RPTOR: variants seen among roughly 807,000 people sequenced by gnomAD.
The protein encoded by RPTOR is regulatory-associated protein of mTOR.
A neutral mutation model predicts 169.9 loss-of-function variants in RPTOR; 21 were observed. The observed-to-expected ratio is 0.12, with a 90% CI of 0.09 to 0.18. The LOEUF (loss-of-function observed/expected upper bound fraction) is 0.18, where lower values mean the gene tolerates loss of function less well. Among genes scored for constraint, RPTOR ranks in the 10% least tolerant of loss-of-function variants. RPTOR has a pLI of 1.00. For missense variants in RPTOR, 1,133 were observed against 1,855.9 expected (o/e 0.61, Z 7.16); for synonymous variants, 732 against 753.2 (o/e 0.97, Z 0.46).
intron 1 of RPTOR, among the ~76,000 whole-genome samples, chr17:80,550,333 C>T (rs936090609): frequency 6.6e-6 from 1 of 152,184 alleles, no homozygotes; most frequent in Non-Finnish European, 1.5e-5. Flanking sequence ...TGTGTCTCCA[C>T]GAAACTCGGA....
chr17:80,949,606 CG>C, intron 28 of RPTOR, 59 bp downstream of exon 28: 1 of 1,432,012 alleles, frequency 7.0e-7, no homozygotes, highest in Non-Finnish European at 9.8e-7. Flanking sequence ...CGGACGCACT[CG>C]GAATTCCAAG....
intron 1 of RPTOR, among the ~76,000 whole-genome samples, chr17:80,546,153 C>T (rs142475082): frequency 2.1e-4 from 32 of 152,328 alleles, no homozygotes; most frequent in African/African-American, 7.5e-4. Context: ...TTTATACCCA[C>T]ATGATTAGTC....
intron 3 of RPTOR, among the ~76,000 whole-genome samples, chr17:80,664,334 A>G (rs972438053): frequency 2.0e-5 from 3 of 152,174 alleles, no homozygotes; most frequent in East Asian, 1.9e-4. Flanking sequence ...AACAGAAGCA[A>G]TCCTGAGAAA....
chr17:80,861,037 G>A lies in RPTOR; in HGVS notation c.1509+3137G>A, dbSNP rs1021051226. ...AGAGAACGCTCCATAATGGTGACCT[G>A]AATACCATATATTTCAGCAAAATAT... On this transcript the variant is annotated intron_variant, in intron 13 of 33. Coordinates refer to ENST00000306801, the MANE Select transcript of RPTOR (RefSeq NM_020761.3). The surrounding 1 kb of genome is among the most constrained non-coding windows in gnomAD (Gnocchi z 4.5). Among the ~76,000 whole-genome samples the A allele has an allele frequency of 6.9e-6, 1 of 144,534 alleles. No homozygotes were observed. The highest frequency in any genetic ancestry group is 2.4e-5 in the African/African-American group (1 of 40,928). The allele number at this position is 144,534 out of a possible 152,430, so 94.8% of individuals were successfully genotyped here.
chr17:80,742,871 C>T (rs1050030352), intron 5 of RPTOR, among the ~76,000 whole-genome samples: 1 of 152,036 alleles, frequency 6.6e-6, no homozygotes, highest in Admixed American at 6.5e-5. Flanking sequence ...CACACAGAAA[C>T]ATGGACATAT....
chr17:80,583,195 T>TTTTTTTTTTTTG (rs2065031351), intron 1 of RPTOR, among the ~76,000 whole-genome samples: 2 of 135,780 alleles, frequency 1.5e-5, no homozygotes, highest in African/African-American at 2.7e-5. Context: ...TTTTTTTTTT[T>TTTTTTTTTTTTG]TTTTTTTTTT....
chr17:80,731,245 T>C (rs992212168), intron 5 of RPTOR, among the ~76,000 whole-genome samples: 3 of 152,148 alleles, frequency 2.0e-5, no homozygotes, highest in Admixed American at 2.0e-4. Context: ...CAAACATTAA[T>C]TGATAACATT....
At chr17:80,593,519 C>G (rs2065122716) in intron 1 of RPTOR, 1 of 154,706 alleles carries the variant, frequency 6.5e-6, no homozygotes, top group South Asian at 2.0e-4. Context: ...ATCCAACAAA[C>G]CGCTTGTGGA....
chr17:80,898,496 G>T (rs2068433636), intron 20 of RPTOR, among the ~76,000 whole-genome samples: 1 of 151,756 alleles, frequency 6.6e-6, no homozygotes, highest in Admixed American at 6.6e-5. Flanking sequence ...ACTTTATTTT[G>T]TTTCCTTTCT....
intron 21 of RPTOR, among the ~76,000 whole-genome samples, chr17:80,919,145 G>A (rs149856037): frequency 4.1e-4 from 62 of 152,322 alleles, no homozygotes; most frequent in African/African-American, 1.4e-3. Flanking sequence ...CTTGTTAAGA[G>A]TCACCACGTT....
intron 28 of RPTOR, among the ~76,000 whole-genome samples, chr17:80,952,426 GCT>G (rs1316429074): frequency 6.6e-6 from 1 of 152,186 alleles, no homozygotes; most frequent in Non-Finnish European, 1.5e-5. Flanking sequence ...GAACTGAGGA[GCT>G]CAGGCCCTCC....
chr17:80,625,676 C>G lies in RPTOR; in HGVS notation c.163-15C>G. The G allele has an allele frequency of 6.5e-7, 1 of 1,536,966 alleles. No homozygotes were observed. The highest frequency in any genetic ancestry group is 9.0e-7 in the Non-Finnish European group (1 of 1,110,628). On this transcript the variant is annotated splice_polypyrimidine_tract_variant and intron_variant, in intron 1 of 33. Coordinates refer to ENST00000306801, the MANE Select transcript of RPTOR (RefSeq NM_020761.3). ...TATTGAAATATTTATTTATTTTTTT[C>G]TGTTGTGTTTTCAGATGAAGACAGT...
intron 4 of RPTOR, among the ~76,000 whole-genome samples, chr17:80,728,660 T>C (rs991545809): frequency 6.6e-6 from 1 of 152,230 alleles, no homozygotes; most frequent in African/African-American, 2.4e-5. Context: ...GTAATTACCA[T>C]AGATTTATAG....
chr17:80,713,785 G>A (rs1411845250), intron 4 of RPTOR, among the ~76,000 whole-genome samples: 3 of 152,086 alleles, frequency 2.0e-5, no homozygotes, highest in Non-Finnish European at 4.4e-5. Flanking sequence ...GTGTGCGTGC[G>A]CTTAATATCA....
chr17:80,831,819 A>ATGTATCCCTGTGTGTCACTG (rs1567936914), intron 9 of RPTOR, among the ~76,000 whole-genome samples: 41 of 62,990 alleles, frequency 6.5e-4, no homozygotes, highest in African/African-American at 1.4e-3. Context: ...GTGTGTCACC[A>ATGTATCCCTGTGTGTCACTG]TGTATCCCTG....
intron 4 of RPTOR, among the ~76,000 whole-genome samples, chr17:80,725,979 G>A (rs2066329505): frequency 6.6e-6 from 1 of 152,212 alleles, no homozygotes; most frequent in African/African-American, 2.4e-5. Context: ...GCAACCTGGA[G>A]ATTGTCACAT....
At chr17:80,548,612 G>A (rs182323282) in intron 1 of RPTOR, among the ~76,000 whole-genome samples, 215 of 151,678 alleles carry the variant, frequency 1.4e-3, no homozygotes, top group African/African-American at 3.3e-3. Context: ...ACCTCGGGTC[G>A]TTCACCTGCC....
At chr17:80,920,713 C>T (rs1466165637) in intron 21 of RPTOR, among the ~76,000 whole-genome samples, 1 of 152,264 alleles carries the variant, frequency 6.6e-6, no homozygotes, top group Non-Finnish European at 1.5e-5. Flanking sequence ...CTTTGTGCTC[C>T]GTGAGCGTCT....
At chr17:80,833,058 C>T (rs1293410958) in intron 9 of RPTOR, among the ~76,000 whole-genome samples, 2 of 152,078 alleles carry the variant, frequency 1.3e-5, no homozygotes, top group Non-Finnish European at 2.9e-5. Flanking sequence ...TTTCAGGGGT[C>T]CTGAAACCCT....
Sources: allele counts gnomAD v4.1 joint callset (sites outside exome capture counted in the v4.1 genomes callset), GRCh38; gene constraint gnomAD v4.1.1; non-coding constraint Gnocchi (gnomAD v3.1); transcripts MANE v1.5; gene names NCBI Gene and HGNC (gene_info 2026-07-23, HGNC 2026-07-21).